Variants in ERG observed in about 807,000 individuals in gnomAD.
ERG encodes the protein ETS transcription factor ERG.
A neutral mutation model predicts 55.3 loss-of-function variants in ERG; 9 were observed. That is an observed-to-expected ratio of 0.16 (90% CI 0.10 to 0.28). The LOEUF is 0.28. ERG is among the 10% of genes least tolerant of loss of function. The pLI, the probability that ERG is intolerant of heterozygous loss-of-function variation, is 1.00. For synonymous variants in ERG, 223 were observed against 237.3 expected (o/e 0.94, Z 0.55); for missense variants, 434 against 631.6 (o/e 0.69, Z 3.35).
At chr21:38,633,104 G>A (rs374316864) in intron 1 of ERG, among the ~76,000 whole-genome samples, 1 of 151,668 alleles carries the variant, frequency 6.6e-6, no homozygotes, top group Admixed American at 6.6e-5. Context: ...AGGACATTAA[G>A]CTAAGAAATA....
intron 1 of ERG, among the ~76,000 whole-genome samples, chr21:38,639,605 A>G (rs1336244947): frequency 2.0e-5 from 3 of 152,232 alleles, no homozygotes; most frequent in African/African-American, 7.2e-5. Context: ...AAAAGGAAGA[A>G]GACCCTAAAC....
intron 2 of ERG, among the ~76,000 whole-genome samples, chr21:38,520,346 G>A (rs1341760417): frequency 1.3e-5 from 2 of 152,184 alleles, no homozygotes; most frequent in Non-Finnish European, 2.9e-5. Flanking sequence ...ATCCAGAGAA[G>A]TAGCCCTCTA....
At chr21:38,505,167 G>A (rs2059450737) in intron 2 of ERG, among the ~76,000 whole-genome samples, 1 of 152,142 alleles carries the variant, frequency 6.6e-6, no homozygotes, top group Admixed American at 6.5e-5. Flanking sequence ...AAAAATCTTT[G>A]CCACAAATTC....
At chr21:38,574,368 C>T (rs1396154062) in intron 2 of ERG, among the ~76,000 whole-genome samples, 2 of 152,186 alleles carry the variant, frequency 1.3e-5, no homozygotes, top group African/African-American at 4.8e-5. Context: ...CAAAACATCA[C>T]ACAGAAATCA....
At chr21:38,401,088 T>C (rs929266580) in intron 5 of ERG, among the ~76,000 whole-genome samples, 7 of 152,264 alleles carry the variant, frequency 4.6e-5, no homozygotes, top group African/African-American at 1.7e-4. Flanking sequence ...ATTTTATTAA[T>C]AATTAATCCA....
At chr21:38,456,063 A>T (rs889454862) in intron 1 of ERG, among the ~76,000 whole-genome samples, 8 of 152,246 alleles carry the variant, frequency 5.3e-5, no homozygotes, top group Non-Finnish European at 7.3e-5. Context: ...GATGTTTTCT[A>T]AGACTCCATT....
At chr21:38,403,361 C>T in intron 4 of ERG, 145 bp downstream of exon 4, 2 of 753,474 alleles carry the variant, frequency 2.7e-6, no homozygotes, top group Non-Finnish European at 4.5e-6. Flanking sequence ...TCATCACATA[C>T]CAAGCATGTG....
intron 2 of ERG, among the ~76,000 whole-genome samples, chr21:38,537,737 G>A (rs1403819069): frequency 7.9e-5 from 12 of 152,130 alleles, no homozygotes; most frequent in Admixed American, 7.9e-4. Context: ...AGTAAAATGG[G>A]AAAGTCACTA....
At chr21:38,465,102 T>C (rs2059076683) in intron 1 of ERG, among the ~76,000 whole-genome samples, 1 of 152,220 alleles carries the variant, frequency 6.6e-6, no homozygotes, top group Non-Finnish European at 1.5e-5. Flanking sequence ...GAGGCTAGAC[T>C]CCAAATAATT....
At chr21:38,498,628 C>A, upstream of ERG, 1 of 657,264 alleles carries the variant, frequency 1.5e-6, no homozygotes, top group Non-Finnish European at 2.2e-6. The surrounding 1 kb of genome is among the most constrained non-coding windows in gnomAD (Gnocchi z 4.6). Flanking sequence ...TGATATGCAG[C>A]CAGGAGATTT....
Position 38,490,637 on chromosome 21 carries a change from G to A in ERG, c.18+7726C>T, listed in dbSNP as rs372738317. On this transcript the variant is annotated intron_variant, in intron 1 of 9. Transcript: ENST00000288319. Reference sequence around the variant, plus strand: ...GGGCACTGCTGTTAGCTCCCCCTGCGTCCTGGCAGCAGCACAGTCAGCAGA... The same window carrying A: ...GGGCACTGCTGTTAGCTCCCCCTGCATCCTGGCAGCAGCACAGTCAGCAGA... Among the ~76,000 whole-genome samples, 58 of 152,316 alleles carry A rather than the reference G, an allele frequency of 3.8e-4. 1 individual carries two copies. The highest frequency in any genetic ancestry group is 1.2e-3 in the African/African-American group (48 of 41,570).
chr21:38,477,903 A>G (rs1365888753), intron 1 of ERG, among the ~76,000 whole-genome samples: 1 of 152,260 alleles, frequency 6.6e-6, no homozygotes, highest in African/African-American at 2.4e-5. Context: ...ACATATATTT[A>G]GCATGTCCTA....
chr21:38,485,677 C>T (rs1568843040), intron 1 of ERG, among the ~76,000 whole-genome samples: 1 of 151,880 alleles, frequency 6.6e-6, no homozygotes, highest in Non-Finnish European at 1.5e-5. Flanking sequence ...CCAGGATGGT[C>T]TCGATCTCCT....
chr21:38,564,054 A>G (rs1277025120), intron 2 of ERG, among the ~76,000 whole-genome samples: 1 of 151,784 alleles, frequency 6.6e-6, no homozygotes, highest in Non-Finnish European at 1.5e-5. Context: ...AACTATTTTT[A>G]TTATCAACCC....
chr21:38,474,330 AG>A (rs1355084696), intron 1 of ERG, among the ~76,000 whole-genome samples: 1 of 151,118 alleles, frequency 6.6e-6, no homozygotes, highest in Non-Finnish European at 1.5e-5. Context: ...CATTGCGTGC[AG>A]CCCCTCCAGG....
chr21:38,376,817 C>G (rs577611582), downstream of ERG, among the ~76,000 whole-genome samples: 549 of 152,356 alleles, frequency 3.6e-3, 5 homozygotes, highest in Non-Finnish European at 4.8e-3. Context: ...ACCTGCAGCA[C>G]GTATCCTGTG....
chr21:38,606,230 G>A lies in ERG; in HGVS notation c.-149-21285C>T, dbSNP rs181842338. Reference sequence around the variant, plus strand: ...ATAGATGATACACAGAAGATAGGCAGATAGATAATTGATAGAAGATAGGTA... The same window carrying A: ...ATAGATGATACACAGAAGATAGGCAAATAGATAATTGATAGAAGATAGGTA... On this transcript the variant is annotated intron_variant, in intron 1 of 10. Transcript: ENST00000398910. Among the ~76,000 whole-genome samples, 8 of 152,264 alleles carry A rather than the reference G, an allele frequency of 5.3e-5. No homozygotes were observed. In the East Asian group the frequency reaches 1.5e-3, roughly 29 times the overall value.
chr21:38,569,048 C>T (rs2059940995), intron 2 of ERG, among the ~76,000 whole-genome samples: 1 of 152,200 alleles, frequency 6.6e-6, no homozygotes, highest in South Asian at 2.1e-4. Context: ...AGATCCTGCC[C>T]AGACCCCAGC....
At chr21:38,605,930 G>A (rs1196814453) in intron 1 of ERG, among the ~76,000 whole-genome samples, 1 of 152,086 alleles carries the variant, frequency 6.6e-6, no homozygotes, top group Non-Finnish European at 1.5e-5. Flanking sequence ...AGATAGGTAC[G>A]TAGGTAAATA....
Sources: allele counts gnomAD v4.1 joint callset (sites outside exome capture counted in the v4.1 genomes callset), GRCh38; gene constraint gnomAD v4.1.1; non-coding constraint Gnocchi (gnomAD v3.1); transcripts MANE v1.5; gene names NCBI Gene and HGNC (gene_info 2026-07-23, HGNC 2026-07-21).